Variants in USP34 observed in about 807,000 individuals in gnomAD.
USP34 encodes ubiquitin carboxyl-terminal hydrolase 34.
In USP34, 70 loss-of-function variants were observed where a neutral mutation model predicts 460.3. That is an observed-to-expected ratio of 0.15 (90% CI 0.13 to 0.19). The LOEUF is 0.19. USP34 is among the 10% of genes least tolerant of loss of function. The pLI is 1.00. For missense variants in USP34, 3,985 were observed against 4,236.2 expected, an observed-to-expected ratio of 0.94 and a Z score of 1.65; for synonymous variants, 1,647 against 1,405.3, an observed-to-expected ratio of 1.17 and a Z score of -3.85.
intron 67 of USP34, among the ~76,000 whole-genome samples, chr2:61,217,928 C>G (rs1687449445): frequency 6.6e-6 from 1 of 151,996 alleles, no homozygotes; most frequent in South Asian, 2.1e-4. Context: ...ACACTCCAGC[C>G]TGGGCCACAG....
rs199698738 is a variant in USP34 at position 61,259,800 on chromosome 2, T to C, written c.5779-24A>G. ...TACTGAAAATCAAGAGAAAACACCA[T>C]TAAAAACACAGACATGATGGTAGTA... On this transcript the variant is annotated intron_variant, in intron 43 of 79. Coordinates refer to ENST00000398571, the MANE Select transcript of USP34 (RefSeq NM_014709.4). The C allele has an allele frequency of 5.6e-6, 9 of 1,608,006 alleles. No individual in the cohort carries two copies. In the South Asian group the frequency reaches 8.8e-5, roughly 16 times the overall value.
intron 32 of USP34, among the ~76,000 whole-genome samples, chr2:61,293,965 T>C (rs545711666): frequency 1.3e-5 from 2 of 151,678 alleles, no homozygotes; most frequent in Non-Finnish European, 2.9e-5. Flanking sequence ...CAGTCAGCCA[T>C]GATCATGCCA....
rs1286967219 is a variant in USP34, at chr2:61,300,864, C to A, written c.4128+87G>T. 47 of 856,690 alleles carry A rather than the reference C, an allele frequency of 5.5e-5. No homozygotes were observed. The Admixed American group carries it at 6.6e-4, about 12-fold the overall frequency. 53.1% of individuals were successfully genotyped at this position (856,690 alleles called of 1,614,324 possible). ...GAGAAAATTATTATATACTTTATAA[C>A]GTTTTATAAACTATACTTTTATTAA... is the stretch of plus-strand genomic sequence containing the variant. On this transcript the variant is annotated intron_variant, in intron 29 of 79. Coordinates refer to ENST00000398571, the MANE Select transcript of USP34 (RefSeq NM_014709.4).
chr2:61,363,458 C>T (rs1328877124), intron 10 of USP34, among the ~76,000 whole-genome samples: 1 of 152,168 alleles, frequency 6.6e-6, no homozygotes, highest in Non-Finnish European at 1.5e-5. Flanking sequence ...GAGTCTACTA[C>T]ACACCTAGGC....
chr2:61,271,755 A>T (rs1439354025), intron 41 of USP34, among the ~76,000 whole-genome samples: 1 of 152,196 alleles, frequency 6.6e-6, no homozygotes, highest in Non-Finnish European at 1.5e-5. Flanking sequence ...TGCTGATGAC[A>T]GATTATTATG....
chr2:61,251,748 C>T (rs1688588024), intron 48 of USP34, among the ~76,000 whole-genome samples: 1 of 152,060 alleles, frequency 6.6e-6, no homozygotes, highest in Admixed American at 6.5e-5. Context: ...AAATCTTTGC[C>T]AAATCCATCA....
intron 5 of USP34, among the ~76,000 whole-genome samples, chr2:61,386,978 C>A (rs1234898858): frequency 6.6e-6 from 1 of 152,050 alleles, no homozygotes; most frequent in Non-Finnish European, 1.5e-5. Context: ...ATTGGCAATA[C>A]ATATATCAAA....
intron 30 of USP34, among the ~76,000 whole-genome samples, chr2:61,296,402 C>G (rs1292236821): frequency 6.6e-6 from 1 of 152,060 alleles, no homozygotes; most frequent in Non-Finnish European, 1.5e-5. Context: ...TCATTTTCTC[C>G]AATTTGGTCA....
intron 1 of USP34, among the ~76,000 whole-genome samples, chr2:61,438,415 C>A (rs1694876273): frequency 6.6e-6 from 1 of 152,154 alleles, no homozygotes. Context: ...GAGTTCGAGA[C>A]CAGCCTGGCC....
At chr2:61,406,189 T>C (rs1174334314) in intron 2 of USP34, 61 bp from the exon 3 acceptor site, 14 of 1,357,260 alleles carry the variant, frequency 1.0e-5, no homozygotes, top group Admixed American at 3.2e-5. Flanking sequence ...TTTTTAATAA[T>C]ATAAAAAAAC....
At chr2:61,349,052 G>C (rs1344032087) in intron 13 of USP34, among the ~76,000 whole-genome samples, 166 bp from the exon 14 acceptor site, 2 of 152,088 alleles carry the variant, frequency 1.3e-5, no homozygotes, top group Admixed American at 6.6e-5. Context: ...TTCTAAAGAA[G>C]ATGTAAGATT....
Position 61,188,051 on chromosome 2 carries a change from G to A in USP34, c.*51C>T, listed in dbSNP as rs1686493264. ...CAAATAAGCAAAACTTATACAAACA[G>A]CATGGGGGTTGGGGGTGAGGGACTT... is the stretch of plus-strand genomic sequence containing the variant. On this transcript the variant is annotated 3_prime_UTR_variant, in exon 80 of 80. Coordinates refer to ENST00000398571, the MANE Select transcript of USP34 (RefSeq NM_014709.4). 6.4e-7 allele frequency: 1 copy of A among 1,561,328 alleles called. No homozygotes were observed.
intron 16 of USP34, among the ~76,000 whole-genome samples, chr2:61,340,355 A>C (rs889081442): frequency 1.3e-5 from 2 of 152,204 alleles, no homozygotes; most frequent in African/African-American, 2.4e-5. Context: ...ATTATTAACA[A>C]AACTACCATA....
Position 61,441,595 on chromosome 2 carries a change from T to C in USP34, c.44-20762A>G, listed in dbSNP as rs1286761254. Reference sequence around the variant, plus strand: ...TGCTCGGCCACTCGGCTGCCCAGCCTAGGGCTGCTCCTGCCACCACTCAAC... The same window carrying C: ...TGCTCGGCCACTCGGCTGCCCAGCCCAGGGCTGCTCCTGCCACCACTCAAC... On this transcript the variant is annotated intron_variant, in intron 1 of 79. Coordinates refer to ENST00000398571, the MANE Select transcript of USP34 (RefSeq NM_014709.4). Among the ~76,000 whole-genome samples the C allele has an allele frequency of 2.0e-5, 3 of 151,876 alleles. No homozygotes were observed. The East Asian group carries it at 5.8e-4, about 30-fold the overall frequency.
At chr2:61,371,187 T>A (rs1558555093) in intron 8 of USP34, among the ~76,000 whole-genome samples, 1 of 152,166 alleles carries the variant, frequency 6.6e-6, no homozygotes, top group Non-Finnish European at 1.5e-5. Flanking sequence ...TATCACCTAA[T>A]GTCACTGTGG....
At chr2:61,235,559 C>T (rs912597309) in intron 57 of USP34, among the ~76,000 whole-genome samples, 2 of 151,918 alleles carry the variant, frequency 1.3e-5, no homozygotes, top group Admixed American at 6.6e-5. Flanking sequence ...CTCTTGATCT[C>T]GTAATCCACC....
intron 59 of USP34, 76 bp downstream of exon 59, chr2:61,229,472 A>AC (rs1481803668): frequency 1.0e-4 from 72 of 694,896 alleles, no homozygotes; most frequent in African/African-American, 3.4e-4. Context: ...AAAAAAAAAA[A>AC]AAACAAAAAA....
In USP34 at chr2:61,256,447, G is replaced by C. The variant is rs1183021980; in HGVS notation, c.6158C>G (p.Thr2053Ser). 2.5e-6 allele frequency: 4 copies of C among 1,610,450 alleles called. No homozygotes were observed. The highest frequency in any genetic ancestry group is 3.4e-6 in the Non-Finnish European group (4 of 1,178,828). Residue 2053 changes from threonine to serine, a missense_variant, in exon 48 of 80, where the codon ACT becomes AGT. By Grantham distance (58) the Thr-to-Ser change is moderately conservative (BLOSUM62 1). Coordinates refer to ENST00000398571, the MANE Select transcript of USP34 (RefSeq NM_014709.4). The part of the protein sequence containing the change: ...ESLDEVTIKD[T>S]LEGDNMYTCS... ...AGTATACATGTTATCACCTTCCAAA[G>C]TGTCTTTTATAGTAACTTCATCAAG...
intron 3 of USP34, among the ~76,000 whole-genome samples, chr2:61,396,281 T>C (rs1017446156): frequency 1.3e-5 from 2 of 152,178 alleles, no homozygotes; most frequent in Non-Finnish European, 2.9e-5. Flanking sequence ...TATAAGTTCG[T>C]ATGAACTTTT....
Sources: gnomAD v4.1 joint callset for allele counts (sites outside exome capture counted in the v4.1 genomes callset) on GRCh38, gnomAD v4.1.1 for gene constraint, MANE v1.5 for transcripts, NCBI Gene and HGNC (gene_info 2026-07-23, HGNC 2026-07-21) for gene names.